Variants in SMCO4 observed in about 807,000 individuals in gnomAD.
SMCO4 encodes the protein single-pass membrane and coiled-coil domain-containing protein 4.
A neutral mutation model predicts 3.6 loss-of-function variants in SMCO4; 4 were observed. The ratio of observed to expected loss-of-function variants is 1.11; its 90% CI spans 0.54 to 2.53. SMCO4 has a LOEUF of 2.53. Ranked by LOEUF, SMCO4 falls within the 30% of genes most tolerant of loss-of-function variation. SMCO4 has a pLI of 0.02. For missense variants in SMCO4, 70 were observed against 80.8 expected, an observed-to-expected ratio of 0.87 and a Z score of 0.51; for synonymous variants, 36 against 35.3, an observed-to-expected ratio of 1.02 and a Z score of -0.07.
intron 2 of SMCO4, among the ~76,000 whole-genome samples, chr11:93,497,802 C>A (rs878993348): frequency 6.6e-6 from 1 of 152,184 alleles, no homozygotes; most frequent in Non-Finnish European, 1.5e-5. Flanking sequence ...AATCTGCCGA[C>A]GTGTGTCAAA....
chr11:93,552,664 G>T, the SMCO4 span, among the ~76,000 whole-genome samples: 4 of 150,832 alleles, frequency 2.7e-5, no homozygotes, highest in South Asian at 6.3e-4. Flanking sequence ...TAGAGACAGG[G>T]TTTCACCATG....
At chr11:93,505,418 G>C (rs751210051) in intron 1 of SMCO4, among the ~76,000 whole-genome samples, 1 of 152,012 alleles carries the variant, frequency 6.6e-6, no homozygotes, top group African/African-American at 2.4e-5. Flanking sequence ...CAACCTAGCA[G>C]TGTCTAACTT....
intron 2 of SMCO4, among the ~76,000 whole-genome samples, chr11:93,484,176 C>G (rs1008858469): frequency 6.6e-6 from 1 of 152,164 alleles, no homozygotes; most frequent in African/African-American, 2.4e-5. Context: ...CCAAATGGTC[C>G]CCAGTATGTG....
At chr11:93,480,869 CT>C (rs1948584357) in intron 2 of SMCO4, among the ~76,000 whole-genome samples, 1 of 152,284 alleles carries the variant, frequency 6.6e-6, no homozygotes, top group South Asian at 2.1e-4. Context: ...ACCCCAAAAC[CT>C]TTTTTGTATC....
At chr11:93,503,613 A>T (rs374165488) in intron 1 of SMCO4, among the ~76,000 whole-genome samples, 1 of 152,228 alleles carries the variant, frequency 6.6e-6, no homozygotes. Flanking sequence ...ACATGCCCTT[A>T]TAAGAAAGGT....
chr11:93,516,677 C>G (rs1470964965), intron 1 of SMCO4, among the ~76,000 whole-genome samples: 4 of 152,024 alleles, frequency 2.6e-5, no homozygotes, highest in Admixed American at 2.6e-4. Context: ...GTAGTCCCAG[C>G]TACCCGGGAG....
intron 1 of SMCO4, among the ~76,000 whole-genome samples, chr11:93,502,775 C>T (rs1008896854): frequency 2.6e-5 from 4 of 152,112 alleles, no homozygotes. Context: ...AACAAAAGGA[C>T]AGAATTAGAC....
upstream of SMCO4, among the ~76,000 whole-genome samples, chr11:93,547,979 G>T (rs936744510): frequency 6.6e-6 from 1 of 152,226 alleles, no homozygotes; most frequent in Non-Finnish European, 1.5e-5. Flanking sequence ...ATGGTGGTCT[G>T]CATGTCTCAG....
the SMCO4 span, among the ~76,000 whole-genome samples, chr11:93,548,545 G>A: frequency 6.6e-6 from 1 of 152,134 alleles, no homozygotes; most frequent in Non-Finnish European, 1.5e-5. Context: ...TTTAACTCCA[G>A]TGGTTAAAAC....
intron 1 of SMCO4, among the ~76,000 whole-genome samples, chr11:93,499,919 T>C (rs548805117): frequency 6.6e-6 from 1 of 152,246 alleles, no homozygotes; most frequent in Admixed American, 6.5e-5. Context: ...GCCAACAAAT[T>C]AACTCAAAAC....
chr11:93,478,982 C>T lies in SMCO4; in HGVS notation c.*28G>A, dbSNP rs747321305. On this transcript the variant is annotated 3_prime_UTR_variant, in exon 3 of 3. Coordinates refer to ENST00000298966, the MANE Select transcript of SMCO4 (RefSeq NM_020179.3). ...CCCCTCCCGCGCCTCCTCTCCCTGC[C>T]GATGGGGTCCGCAGCCGGCTGCGGG... 2.8e-5 allele frequency: 44 copies of T among 1,581,084 alleles called. No homozygotes were observed. In the East Asian group the frequency reaches 4.5e-4, roughly 16 times the overall value.
intron 2 of SMCO4, among the ~76,000 whole-genome samples, chr11:93,493,381 C>G (rs763251006): frequency 4.6e-5 from 7 of 152,174 alleles, no homozygotes; most frequent in Admixed American, 1.3e-4. Context: ...GCTGCCCCCA[C>G]CTGCTCCTGG....
chr11:93,541,655 G>A (rs1285386141), intron 1 of SMCO4, among the ~76,000 whole-genome samples: 1 of 152,188 alleles, frequency 6.6e-6, no homozygotes, highest in Non-Finnish European at 1.5e-5. Context: ...CAACTTTATA[G>A]TAGATAGCTG....
upstream of SMCO4, among the ~76,000 whole-genome samples, chr11:93,544,489 A>C (rs1042232140): frequency 1.6e-4 from 25 of 152,172 alleles, no homozygotes; most frequent in Admixed American, 6.5e-4. Context: ...ACTCTTCTGC[A>C]GGTTTTCCAC....
chr11:93,512,732 C>T (rs1948969086), intron 1 of SMCO4, among the ~76,000 whole-genome samples: 1 of 152,118 alleles, frequency 6.6e-6, no homozygotes, highest in African/African-American at 2.4e-5. Flanking sequence ...CTACAATATT[C>T]ACACAACAAA....
chr11:93,533,373 A>C (rs1949181139), intron 1 of SMCO4, among the ~76,000 whole-genome samples: 2 of 152,188 alleles, frequency 1.3e-5, no homozygotes, highest in Non-Finnish European at 2.9e-5. Flanking sequence ...TAAACGGCAG[A>C]CCTTTGTAAA....
intron 2 of SMCO4, among the ~76,000 whole-genome samples, chr11:93,489,210 T>C (rs1350514265): frequency 6.6e-6 from 1 of 152,212 alleles, no homozygotes; most frequent in Non-Finnish European, 1.5e-5. Context: ...TTAATCTTTC[T>C]GTGCCTCAGA....
intron 1 of SMCO4, among the ~76,000 whole-genome samples, chr11:93,528,918 T>C (rs1293741316): frequency 2.0e-5 from 3 of 152,002 alleles, no homozygotes; most frequent in African/African-American, 7.3e-5. Context: ...ATCCTGTCCA[T>C]CAACAAGTAC....
At chr11:93,550,114 G>A in the SMCO4 span, among the ~76,000 whole-genome samples, 4 of 152,228 alleles carry the variant, frequency 2.6e-5, no homozygotes, top group Admixed American at 1.3e-4. Context: ...TAAAGAATGG[G>A]AAGGAATTCC....
Sources: allele counts gnomAD v4.1 joint callset (sites outside exome capture counted in the v4.1 genomes callset), GRCh38; gene constraint gnomAD v4.1.1; transcripts MANE v1.5; gene names NCBI Gene and HGNC (gene_info 2026-07-23, HGNC 2026-07-21).